The following HCFC2 variants were observed in gnomAD, a reference collection of about 807,000 sequenced individuals.
The protein encoded by HCFC2 is host cell factor C2, also known as host cell factor 2.
Under a neutral mutation model 89.2 loss-of-function variants are expected in HCFC2, and 18 were observed. That is an observed-to-expected ratio of 0.20 (90% CI 0.14 to 0.30). The LOEUF (loss-of-function observed/expected upper bound fraction) is 0.30, where lower values mean the gene tolerates loss of function less well. HCFC2 is among the 10% of genes least tolerant of loss of function. The pLI is 1.00. For missense variants in HCFC2, 578 were observed against 956.1 expected, an observed-to-expected ratio of 0.60 and a Z score of 5.21; for synonymous variants, 308 against 335.7, an observed-to-expected ratio of 0.92 and a Z score of 0.90.
At chr12:104,081,853 C>T (rs765015423) in intron 5 of HCFC2, among the ~76,000 whole-genome samples, 5 of 146,872 alleles carry the variant, frequency 3.4e-5, no homozygotes, top group East Asian at 2.0e-4. Context: ...TGCAGTGGAC[C>T]GTTATCATGC....
intron 13 of HCFC2, among the ~76,000 whole-genome samples, chr12:104,100,127 C>A (rs1479466461): frequency 6.6e-6 from 1 of 151,992 alleles, no homozygotes; most frequent in Non-Finnish European, 1.5e-5. Flanking sequence ...AATCTAAAAA[C>A]CCTGATATGC....
At position 104,082,803 on chromosome 12, in the gene HCFC2, C is replaced by T. The variant is rs755874030; in HGVS notation, c.965C>T (p.Ala322Val). 1 of 1,613,874 alleles carries T rather than the reference C, an allele frequency of 6.2e-7. No individual in the cohort carries two copies. Among genetic ancestry groups the T allele is most frequent in the Non-Finnish European group, 8.5e-7 (1 of 1,179,848 alleles). Reference sequence around the variant, plus strand: ...CCAAGAGCTGGCCACTGTGCTGTTGCAATCGGCACTCGATTGTATTTTTGG... The same window carrying T: ...CCAAGAGCTGGCCACTGTGCTGTTGTAATCGGCACTCGATTGTATTTTTGG... ...PRPRAGHCAV[A>V]IGTRLYFWSG... The change falls in exon 7 of 15, where the codon GCA (alanine) becomes GTA (valine). Residue 322 changes from alanine to valine, a missense_variant. This residue lies in a region of HCFC2 where 206 missense variants were observed against 419.2 expected (regional missense o/e 0.49). Transcript: ENST00000229330.
chr12:104,090,728 G>A (rs1466372145), intron 9 of HCFC2, among the ~76,000 whole-genome samples: 1 of 150,640 alleles, frequency 6.6e-6, no homozygotes, highest in Non-Finnish European at 1.5e-5. Flanking sequence ...TCTGCTCTTT[G>A]TTATGTTTCT....
In HCFC2 at chr12:104,095,653, A is replaced by C. The variant is rs1884156773; in HGVS notation, c.1666+90A>C. On this transcript the variant is annotated intron_variant, in intron 11 of 14. Transcript: ENST00000229330. This position sits in a 1 kb window ranked among gnomAD's most constrained non-coding sequence, Gnocchi z 4.2. ...TTGTCTTAGATGGGAGTTGCATTTC[A>C]TCTTGGAATTTTGTTATTAGTCATT... The C allele has an allele frequency of 1.0e-6, 1 of 984,482 alleles. No individual in the cohort carries two copies. The highest frequency in any genetic ancestry group is 1.6e-5 in the African/African-American group (1 of 61,232). 61.0% of individuals were successfully genotyped at this position (984,482 alleles called of 1,614,324 possible). A position where few individuals can be genotyped will look rare whatever the true frequency, so the allele number is the denominator to read the frequency against.
intron 3 of HCFC2, among the ~76,000 whole-genome samples, chr12:104,075,247 C>T (rs1004799403): frequency 2.0e-5 from 3 of 151,374 alleles, no homozygotes; most frequent in Non-Finnish European, 4.4e-5. Context: ...AAAGACAATT[C>T]TCTCTATCTT....
At chr12:104,100,459 C>T (rs1254255950) in intron 13 of HCFC2, among the ~76,000 whole-genome samples, 1 of 151,920 alleles carries the variant, frequency 6.6e-6, no homozygotes, top group Non-Finnish European at 1.5e-5. Context: ...CCTCTGCTCC[C>T]AACTACTTGG....
rs1318119328 is a variant in HCFC2 at position 104,064,565 on chromosome 12, C to T, written c.5C>T (p.Ala2Val). The change falls in exon 1 of 15, where the codon GCG becomes GTG. Residue 2 changes from alanine to valine, a missense_variant. Coordinates refer to ENST00000229330, the MANE Select transcript of HCFC2 (RefSeq NM_013320.3). The surrounding 1 kb of genome is among the most constrained non-coding windows in gnomAD (Gnocchi z 7.3). ...AGAGGGGCGGGGGTTGGGAAGATGG[C>T]GGCTCCCAGCCTCCTCAACTGGAGG... MAAPSLLNWRRV... is the reference protein window; with the variant it reads MVAPSLLNWRRV... The T allele has an allele frequency of 3.9e-6, 6 of 1,521,404 alleles. No homozygotes were observed. Among genetic ancestry groups the T allele is most frequent in the East Asian group, 2.8e-5 (1 of 36,244 alleles). 94.2% of individuals were successfully genotyped at this position (1,521,404 alleles called of 1,614,324 possible). A position where few individuals can be genotyped will look rare whatever the true frequency, so the allele number is the denominator to read the frequency against.
intron 3 of HCFC2, among the ~76,000 whole-genome samples, 199 bp from the exon 4 acceptor site, chr12:104,079,246 C>T (rs1414276532): frequency 6.6e-6 from 1 of 152,138 alleles, no homozygotes; most frequent in Non-Finnish European, 1.5e-5. Context: ...TACTGAGCCC[C>T]AGAAGAGTGC....
chr12:104,070,057 C>G, intron 3 of HCFC2, among the ~76,000 whole-genome samples: 1 of 152,110 alleles, frequency 6.6e-6, no homozygotes, highest in East Asian at 1.9e-4. Context: ...GAATCTCGCT[C>G]TGTCTCCCAG....
chr12:104,082,628 C>G, intron 6 of HCFC2, 22 bp downstream of exon 6: 5 of 1,576,662 alleles, frequency 3.2e-6, no homozygotes, highest in Non-Finnish European at 4.3e-6. Flanking sequence ...AAGAGTTACT[C>G]ATTGAATTAA....
intron 5 of HCFC2, among the ~76,000 whole-genome samples, 185 bp from the exon 6 acceptor site, chr12:104,082,315 T>C (rs916246089): frequency 6.6e-6 from 1 of 152,226 alleles, no homozygotes; most frequent in African/African-American, 2.4e-5. Flanking sequence ...TTCATAAAAT[T>C]GTAAACTCTT....
At chr12:104,098,967 T>G (rs1186041065) in intron 13 of HCFC2, among the ~76,000 whole-genome samples, 1 of 151,378 alleles carries the variant, frequency 6.6e-6, no homozygotes, top group Non-Finnish European at 1.5e-5. Context: ...GCCACTGCAC[T>G]CCAGCCTGGG....
chr12:104,098,387 A>G lies in HCFC2; in HGVS notation c.1785A>G (p.Glu595=), dbSNP rs750095274. The G allele has an allele frequency of 6.2e-7, 1 of 1,612,140 alleles. No individual in the cohort carries two copies. Among genetic ancestry groups the G allele is most frequent in the South Asian group, 1.1e-5 (1 of 90,370 alleles). The part of the protein sequence containing the change: ...SNPVATVKAG[E]RQWCDVGIFK... ...CAGTGGCCACAGTGAAAGCGGGAGA[A>G]CGACAATGGTGTGATGTGGGAATTT... Residue 595 remains glutamate, a synonymous_variant, in exon 13 of 15, where the codon GAA becomes GAG. Transcript: ENST00000229330.
chr12:104,093,347 A>C, intron 9 of HCFC2, 39 bp from the exon 10 acceptor site: 1 of 1,397,532 alleles, frequency 7.2e-7, no homozygotes, highest in Non-Finnish European at 9.7e-7. Context: ...TATTTCATTG[A>C]ATATTGCTTA....
In HCFC2 at chr12:104,068,039, T is replaced by A. The variant is rs1416929619; in HGVS notation, c.405T>A (p.Tyr135Ter). ...GGCTTGGACATAGCTTCTCTTTATA[T>A]GGTAACAAATGCTATTTGTTTGGTG... ...CPRLGHSFSL[Y>*]GNKCYLFGGL... is the part of the protein sequence containing the mutation. The change falls in exon 3 of 15, where the codon TAT becomes TAA. Residue 135 changes from tyrosine (Y) to a stop codon, truncating the protein, a stop_gained. Coordinates refer to ENST00000229330, the MANE Select transcript of HCFC2 (RefSeq NM_013320.3). LOFTEE classifies it high-confidence loss of function. The surrounding 1 kb of genome is among the most constrained non-coding windows in gnomAD (Gnocchi z 4.1). 6.2e-7 allele frequency: 1 copy of A among 1,605,334 alleles called. No individual in the cohort carries two copies. Among genetic ancestry groups the A allele is most frequent in the Non-Finnish European group, 8.5e-7 (1 of 1,176,648 alleles).
intron 9 of HCFC2, 95 bp downstream of exon 9, chr12:104,088,133 G>C (rs1279913186): frequency 1.4e-6 from 1 of 722,300 alleles, no homozygotes; most frequent in Admixed American, 2.8e-5. Flanking sequence ...TAGAAGAGGG[G>C]TCCTTAATCC....
chr12:104,098,525 G>A (rs1411956103), intron 13 of HCFC2, 45 bp downstream of exon 13: 17 of 1,508,064 alleles, frequency 1.1e-5, no homozygotes, highest in African/African-American at 2.8e-5. Flanking sequence ...TAAGCCTCAA[G>A]GATGAGATTT....
rs1048698933 is a variant in HCFC2 at position 104,095,593 on chromosome 12, T to G, written c.1666+30T>G. 51 of 1,551,018 alleles carry G rather than the reference T, an allele frequency of 3.3e-5. No individual in the cohort carries two copies. The highest frequency in any genetic ancestry group is 4.4e-5 in the Non-Finnish European group (49 of 1,124,046). On this transcript the variant is annotated intron_variant, in intron 11 of 14. Coordinates refer to ENST00000229330, the MANE Select transcript of HCFC2 (RefSeq NM_013320.3). This position sits in a 1 kb window ranked among gnomAD's most constrained non-coding sequence, Gnocchi z 4.2. The stretch of plus-strand genomic sequence containing the variant: ...GAAATGTGTTTCACATACTGTATTT[T>G]GAACCATTTATGTATATAAATTCAT...
chr12:104,094,205 A>G (rs1344281519), intron 10 of HCFC2, among the ~76,000 whole-genome samples: 10 of 152,212 alleles, frequency 6.6e-5, no homozygotes, highest in African/African-American at 2.4e-4. Context: ...GCAGTCGGAT[A>G]CTTAGGCCTG....
Sources: gnomAD v4.1 joint callset for allele counts (sites outside exome capture counted in the v4.1 genomes callset) on GRCh38, gnomAD v4.1.1 for gene constraint, gnomAD v4.1.1 regional missense constraint, Gnocchi (gnomAD v3.1) non-coding constraint, MANE v1.5 for transcripts, NCBI Gene and HGNC (gene_info 2026-07-23, HGNC 2026-07-21) for gene names.